The following LNPK variants were observed in gnomAD, a reference collection of about 807,000 sequenced individuals.
LNPK encodes the protein endoplasmic reticulum junction formation protein lunapark.
A neutral mutation model predicts 55.2 loss-of-function variants in LNPK; 29 were observed. The ratio of observed to expected loss-of-function variants is 0.53; its 90% CI spans 0.39 to 0.72. The LOEUF is 0.72. Among genes scored for constraint, LNPK ranks in the 30% least tolerant of loss-of-function variants. LNPK has a pLI of 0.00. For missense variants in LNPK, 467 were observed against 494.8 expected (o/e 0.94, Z 0.53); for synonymous variants, 162 against 168.2 (o/e 0.96, Z 0.29).
intron 1 of LNPK, among the ~76,000 whole-genome samples, chr2:176,001,885 T>C (rs1385294387): frequency 6.6e-6 from 1 of 152,076 alleles, no homozygotes; most frequent in Non-Finnish European, 1.5e-5. Flanking sequence ...CTGGAGAAAC[T>C]ACCAGCCCTA....
intron 6 of LNPK, among the ~76,000 whole-genome samples, 161 bp from the exon 7 acceptor site, chr2:175,964,750 A>AACCTCT (rs1288339014): frequency 6.6e-6 from 1 of 152,190 alleles, no homozygotes; most frequent in Admixed American, 6.6e-5. Flanking sequence ...AATGGCTTCT[A>AACCTCT]ACCTCTAATA....
chr2:175,939,412 C>G, intron 10 of LNPK, 140 bp downstream of exon 10: 2 of 422,046 alleles, frequency 4.7e-6, no homozygotes, highest in Non-Finnish European at 8.6e-6. Context: ...TGAATATGTA[C>G]TCTTTTGCAG....
chr2:175,947,486 C>T lies in LNPK; in HGVS notation c.700G>A (p.Gly234Arg), dbSNP rs1685193223. 1 of 1,612,194 alleles carries T rather than the reference C, an allele frequency of 6.2e-7. No homozygotes were observed. The highest frequency in any genetic ancestry group is 1.1e-5 in the South Asian group (1 of 90,994). ...HLGSPATSVPGMGLHPPGPPL... is the reference protein window; with the variant it reads ...HLGSPATSVPRMGLHPPGPPL... ...CATTAAGTGCTCTGTTTACCCATTC[C>T]AGGCACTGAAGTAGCAGGGGATCCA... Residue 234 changes from glycine (G) to arginine (R), a missense_variant, in exon 9 of 13, where the codon GGA (glycine) becomes AGA (arginine). Coordinates refer to ENST00000272748, the MANE Select transcript of LNPK (RefSeq NM_030650.3).
intron 8 of LNPK, among the ~76,000 whole-genome samples, chr2:175,956,379 T>C (rs1685696770): frequency 6.6e-6 from 1 of 152,076 alleles, no homozygotes; most frequent in Admixed American, 6.5e-5. Context: ...AACCTATTCC[T>C]ATAACTTTGC....
chr2:176,002,711 C>G (rs1688216300), upstream of LNPK: 1 of 154,388 alleles, frequency 6.5e-6, no homozygotes, highest in African/African-American at 2.4e-5. Context: ...CAGCTGTCAG[C>G]CAGCCAGCAG....
Position 175,929,960 on chromosome 2 carries a change from G to A in LNPK, c.*7C>T. ...AATATCCAGTTGAAGGCACGTGGAAGCATTTACTACTCTGCCGTCAAAGAT... is the reference window on the plus strand; with the variant it reads ...AATATCCAGTTGAAGGCACGTGGAAACATTTACTACTCTGCCGTCAAAGAT... On this transcript the variant is annotated 3_prime_UTR_variant, in exon 13 of 13. Transcript: ENST00000272748. The A allele has an allele frequency of 6.2e-7, 1 of 1,613,644 alleles. No homozygotes were observed. Among genetic ancestry groups the A allele is most frequent in the Non-Finnish European group, 8.5e-7 (1 of 1,179,696 alleles).
intron 12 of LNPK, among the ~76,000 whole-genome samples, chr2:175,930,923 T>A (rs1329627869): frequency 6.6e-6 from 1 of 152,134 alleles, no homozygotes; most frequent in African/African-American, 2.4e-5. Context: ...AGTCCCTACA[T>A]GAAAATTTAC....
At chr2:175,945,824 G>A (rs544810915) in intron 9 of LNPK, among the ~76,000 whole-genome samples, 2 of 152,192 alleles carry the variant, frequency 1.3e-5, no homozygotes, top group East Asian at 3.9e-4. Context: ...TGCTGTTATA[G>A]ACAATGGTAA....
chr2:175,953,219 T>C (rs12613466), intron 8 of LNPK, among the ~76,000 whole-genome samples: 9,013 of 152,172 alleles, frequency 0.059, 348 homozygotes, highest in South Asian at 0.097. Context: ...TACTCTTAAA[T>C]GTCAATGTTC....
At chr2:175,978,284 G>C (rs1687003945) in intron 5 of LNPK, among the ~76,000 whole-genome samples, 1 of 152,070 alleles carries the variant, frequency 6.6e-6, no homozygotes, top group Admixed American at 6.6e-5. Flanking sequence ...TATGCAGGAG[G>C]ATGTGTAGGT....
intron 12 of LNPK, among the ~76,000 whole-genome samples, chr2:175,932,409 A>C (rs971185852): frequency 6.6e-6 from 1 of 152,204 alleles, no homozygotes; most frequent in Admixed American, 6.5e-5. Context: ...TCTTCCAGTC[A>C]CTACTGTATT....
chr2:175,962,092 T>C (rs1181290841), intron 8 of LNPK, among the ~76,000 whole-genome samples: 2 of 152,192 alleles, frequency 1.3e-5, no homozygotes, highest in African/African-American at 4.8e-5. Flanking sequence ...TGCTCATGGA[T>C]AGGAAGAATC....
intron 10 of LNPK, 77 bp from the exon 11 acceptor site, chr2:175,938,460 T>C: frequency 2.9e-6 from 2 of 683,030 alleles, no homozygotes; most frequent in Non-Finnish European, 4.9e-6. Flanking sequence ...TTAGCCATCA[T>C]GGCTAATTTA....
chr2:175,976,616 G>T (rs1032597954), intron 5 of LNPK, among the ~76,000 whole-genome samples: 1 of 152,140 alleles, frequency 6.6e-6, no homozygotes, highest in Non-Finnish European at 1.5e-5. Flanking sequence ...GGCCTGAATA[G>T]AACAAAAAGT....
At chr2:175,984,893 A>G (rs1687333796) in intron 4 of LNPK, among the ~76,000 whole-genome samples, 2 of 152,270 alleles carry the variant, frequency 1.3e-5, no homozygotes, top group African/African-American at 2.4e-5. Flanking sequence ...TTATGTTCAT[A>G]CAAAAACTTG....
intron 9 of LNPK, among the ~76,000 whole-genome samples, chr2:175,941,634 T>C (rs1395551585): frequency 6.6e-6 from 1 of 151,078 alleles, no homozygotes; most frequent in East Asian, 2.0e-4. Flanking sequence ...CTACTAAAAA[T>C]ACAAAAATTG....
chr2:175,970,728 TTAATA>T (rs1397971314), intron 6 of LNPK, 31 bp downstream of exon 6: 1 of 1,120,618 alleles, frequency 8.9e-7, no homozygotes, highest in Non-Finnish European at 1.2e-6. Flanking sequence ...TCTTATTAGT[TTAATA>T]TAAATTAATT....
At chr2:175,934,101 G>T (rs955919534) in intron 12 of LNPK, among the ~76,000 whole-genome samples, 1 of 152,086 alleles carries the variant, frequency 6.6e-6, no homozygotes, top group African/African-American at 2.4e-5. Flanking sequence ...GGAGTGAGAC[G>T]GCCAAAAGAT....
At chr2:175,995,804 C>CTTTTTTTTTTTTTTTTTTTTT (rs10674444) in intron 1 of LNPK, among the ~76,000 whole-genome samples, 158 bp from the exon 2 acceptor site, 1 of 66,398 alleles carries the variant, frequency 1.5e-5, no homozygotes, top group Non-Finnish European at 2.6e-5. Flanking sequence ...TAGAGTCTAC[C>CTTTTTTTTTTTTTTTTTTTTT]TTTTTTTTTT....
Sources: allele counts gnomAD v4.1 joint callset (sites outside exome capture counted in the v4.1 genomes callset), GRCh38; gene constraint gnomAD v4.1.1; transcripts MANE v1.5; gene names NCBI Gene and HGNC (gene_info 2026-07-23, HGNC 2026-07-21).